Variants in TNNI3K observed in about 807,000 individuals in gnomAD.
TNNI3K encodes serine/threonine-protein kinase TNNI3K.
Under a neutral mutation model 114.5 loss-of-function variants are expected in TNNI3K, and 140 were observed. The ratio of observed to expected loss-of-function variants is 1.22; its 90% confidence interval spans 1.07 to 1.41. The LOEUF (loss-of-function observed/expected upper bound fraction) is 1.41. TNNI3K is among the 40% of genes most tolerant of loss of function. The probability of loss-of-function intolerance (pLI) is 0.00; values close to 1 mark genes in which losing one functional copy is unlikely to be tolerated. For missense variants in TNNI3K, 1,125 were observed against 1,007.6 expected (o/e 1.12, Z -1.58); for synonymous variants, 347 against 347.5 (o/e 1.00, Z 0.02).
At chr1:74,506,702 C>T (rs1034857841) in intron 23 of TNNI3K, among the ~76,000 whole-genome samples, 5 of 152,156 alleles carry the variant, frequency 3.3e-5, no homozygotes, top group East Asian at 1.9e-4. Flanking sequence ...TTTTAACAGG[C>T]GACTTGCAAA....
chr1:74,436,243 C>A (rs1385934988), intron 18 of TNNI3K, 111 bp downstream of exon 18: 2 of 1,364,670 alleles, frequency 1.5e-6, no homozygotes, highest in East Asian at 4.6e-5. Flanking sequence ...CTATACTACA[C>A]TGAACACTGA....
intron 17 of TNNI3K, among the ~76,000 whole-genome samples, chr1:74,411,276 A>G (rs1458211676): frequency 1.3e-5 from 2 of 152,180 alleles, no homozygotes; most frequent in African/African-American, 4.8e-5. Flanking sequence ...TTTAACTGCT[A>G]ATTATCATCA....
intron 5 of TNNI3K, among the ~76,000 whole-genome samples, chr1:74,310,874 G>T (rs549208720): frequency 6.6e-6 from 1 of 152,070 alleles, no homozygotes; most frequent in South Asian, 2.1e-4. Flanking sequence ...GATACTTCTT[G>T]TTCACTTAAC....
rs774876959 is a variant in TNNI3K, at chr1:74,473,390, TA to T, written c.2121+9841del. Among the ~76,000 whole-genome samples, 4 of 152,112 alleles carry T rather than the reference TA, an allele frequency of 2.6e-5. No individual in the cohort carries two copies. The South Asian group carries it at 8.3e-4, about 31-fold the overall frequency. On this transcript the variant is annotated intron_variant, in intron 21 of 24. Coordinates refer to ENST00000326637, the MANE Select transcript of TNNI3K (RefSeq NM_015978.3). ...AATGCATCTAAAATTTAAAATTATTTATTAGTATACTTTCTATTGTTTCATG... is the reference window on the plus strand; with the variant it reads ...AATGCATCTAAAATTTAAAATTATTTTTAGTATACTTTCTATTGTTTCATG...
intron 5 of TNNI3K, among the ~76,000 whole-genome samples, chr1:74,292,017 T>C (rs1657708288): frequency 6.6e-6 from 1 of 151,568 alleles, no homozygotes; most frequent in Non-Finnish European, 1.5e-5. Flanking sequence ...TATCTAGTCA[T>C]GCAACATCCT....
intron 13 of TNNI3K, 88 bp downstream of exon 13, chr1:74,368,052 A>G (rs1300643250): frequency 6.6e-6 from 8 of 1,220,784 alleles, no homozygotes; most frequent in Non-Finnish European, 9.0e-6. Context: ...TTTACATATT[A>G]CAAATGATGA....
chr1:74,430,573 AG>A (rs1247321215), intron 17 of TNNI3K, among the ~76,000 whole-genome samples: 3 of 152,168 alleles, frequency 2.0e-5, no homozygotes, highest in African/African-American at 7.2e-5. Context: ...TCGCTTATTC[AG>A]ATGAAGTAAA....
At chr1:74,254,090 C>A (rs987024091) in intron 4 of TNNI3K, among the ~76,000 whole-genome samples, 1 of 152,170 alleles carries the variant, frequency 6.6e-6, no homozygotes, top group East Asian at 1.9e-4. Flanking sequence ...CTTACAAAGA[C>A]AATTGCAAGA....
At chr1:74,519,717 T>C (rs987160931) in intron 23 of TNNI3K, among the ~76,000 whole-genome samples, 2 of 152,202 alleles carry the variant, frequency 1.3e-5, no homozygotes, top group Admixed American at 6.5e-5. Context: ...AAAAGAAAAT[T>C]ACATTTTATA....
At chr1:74,351,638 C>T (rs2100471053) in intron 9 of TNNI3K, among the ~76,000 whole-genome samples, 1 of 152,168 alleles carries the variant, frequency 6.6e-6, no homozygotes, top group Admixed American at 6.5e-5. Flanking sequence ...TCACATAGTC[C>T]CATATTTCTT....
intron 5 of TNNI3K, among the ~76,000 whole-genome samples, chr1:74,274,311 T>C (rs1432721858): frequency 1.3e-5 from 2 of 151,884 alleles, no homozygotes; most frequent in African/African-American, 4.8e-5. Flanking sequence ...AGAGGAGGGG[T>C]AGGTTTTGCT....
chr1:74,307,497 T>C (rs1211091311), intron 5 of TNNI3K, among the ~76,000 whole-genome samples: 2 of 152,158 alleles, frequency 1.3e-5, no homozygotes, highest in African/African-American at 4.8e-5. Context: ...TCTTGTATCA[T>C]ATAAAACAAA....
intron 20 of TNNI3K, among the ~76,000 whole-genome samples, chr1:74,461,700 A>G (rs1557580833): frequency 6.6e-6 from 1 of 152,182 alleles, no homozygotes; most frequent in Non-Finnish European, 1.5e-5. Flanking sequence ...ACCCTCACAC[A>G]CATGCTGTTG....
chr1:74,517,568 A>G (rs1210582862), intron 23 of TNNI3K, among the ~76,000 whole-genome samples: 1 of 152,184 alleles, frequency 6.6e-6, no homozygotes, highest in African/African-American at 2.4e-5. Flanking sequence ...GTATTTATGG[A>G]GAACTCCACA....
chr1:74,246,652 C>A (rs1484406135), intron 2 of TNNI3K, among the ~76,000 whole-genome samples: 2 of 152,126 alleles, frequency 1.3e-5, no homozygotes, highest in Non-Finnish European at 1.5e-5. Flanking sequence ...ATGTAACCAG[C>A]AGCCTAAGCA....
intron 20 of TNNI3K, among the ~76,000 whole-genome samples, chr1:74,446,325 G>T (rs1486259999): frequency 1.3e-5 from 2 of 148,316 alleles, no homozygotes; most frequent in African/African-American, 5.0e-5. Flanking sequence ...TTTTTTGGCT[G>T]CATAAATGTC....
At chr1:74,254,312 T>C (rs1655141840) in intron 4 of TNNI3K, among the ~76,000 whole-genome samples, 1 of 152,224 alleles carries the variant, frequency 6.6e-6, no homozygotes, top group South Asian at 2.1e-4. Flanking sequence ...TTAACATTGA[T>C]AAGATATGAT....
intron 17 of TNNI3K, among the ~76,000 whole-genome samples, chr1:74,381,534 C>T (rs1287544312): frequency 6.6e-6 from 1 of 152,032 alleles, no homozygotes; most frequent in African/African-American, 2.4e-5. Flanking sequence ...CTTATAATAT[C>T]TCAGATGGAT....
intron 17 of TNNI3K, chr1:74,418,249 C>A: frequency 2.3e-6 from 1 of 437,180 alleles, no homozygotes; most frequent in Non-Finnish European, 4.6e-6. Context: ...AAGAGCAGAG[C>A]AGCAAGAAAG....
Sources: gnomAD v4.1 joint callset for allele counts (sites outside exome capture counted in the v4.1 genomes callset) on GRCh38, gnomAD v4.1.1 for gene constraint, MANE v1.5 for transcripts, NCBI Gene and HGNC (gene_info 2026-07-23, HGNC 2026-07-21) for gene names.